Variants in ARHGAP15 observed in about 807,000 individuals in gnomAD.
The protein encoded by ARHGAP15 is rho GTPase-activating protein 15.
ARHGAP15 carries 51 observed loss-of-function variants against 63.7 expected under a neutral mutation model. The observed-to-expected ratio is 0.80, with a 90% confidence interval of 0.64 to 1.01. ARHGAP15 has a LOEUF of 1.01. ARHGAP15 is among the 50% of genes least tolerant of loss of function. The pLI, the probability that ARHGAP15 is intolerant of heterozygous loss-of-function variation, is 0.00. For missense variants in ARHGAP15, 560 were observed against 564.6 expected (o/e 0.99, Z 0.08); for synonymous variants, 191 against 193.8 (o/e 0.99, Z 0.12).
At chr2:143,422,869 G>A (rs1260601313) in intron 6 of ARHGAP15, among the ~76,000 whole-genome samples, 4 of 152,026 alleles carry the variant, frequency 2.6e-5, no homozygotes, top group South Asian at 2.1e-4. Context: ...ACCACAAGCC[G>A]GAAGCAAGAA....
chr2:143,565,264 T>A (rs1451774378), intron 11 of ARHGAP15, among the ~76,000 whole-genome samples: 1 of 152,128 alleles, frequency 6.6e-6, no homozygotes, highest in East Asian at 1.9e-4. Flanking sequence ...CTTATTCTCA[T>A]TATAGTACTA....
intron 6 of ARHGAP15, among the ~76,000 whole-genome samples, chr2:143,262,301 T>G (rs1050331555): frequency 6.6e-6 from 1 of 152,138 alleles, no homozygotes; most frequent in African/African-American, 2.4e-5. Flanking sequence ...TTCAAAATGA[T>G]GGCTGGCCTC....
chr2:143,763,393 C>G (rs1035686189), intron 13 of ARHGAP15, among the ~76,000 whole-genome samples: 1 of 152,060 alleles, frequency 6.6e-6, no homozygotes, highest in South Asian at 2.1e-4. Flanking sequence ...AGTTTGGGGG[C>G]CTTCTTTGCT....
intron 12 of ARHGAP15, among the ~76,000 whole-genome samples, chr2:143,654,736 T>C (rs1279299623): frequency 6.6e-6 from 1 of 152,230 alleles, no homozygotes; most frequent in Non-Finnish European, 1.5e-5. Context: ...ATCTGGCTTC[T>C]TTCCCCCTTG....
At chr2:143,177,261 G>A (rs1471405608) in intron 2 of ARHGAP15, among the ~76,000 whole-genome samples, 13 of 152,140 alleles carry the variant, frequency 8.5e-5, no homozygotes, top group Non-Finnish European at 1.8e-4. Flanking sequence ...TGGGTAAGAT[G>A]AGAGCCGGCT....
chr2:143,588,920 C>G (rs1697213614), intron 11 of ARHGAP15, among the ~76,000 whole-genome samples: 1 of 152,140 alleles, frequency 6.6e-6, no homozygotes, highest in Non-Finnish European at 1.5e-5. Flanking sequence ...GTTTCTCTGC[C>G]CTTTTTATAA....
intron 12 of ARHGAP15, among the ~76,000 whole-genome samples, chr2:143,655,355 G>A (rs913822561): frequency 7.2e-5 from 11 of 152,084 alleles, no homozygotes; most frequent in African/African-American, 2.7e-4. Flanking sequence ...GTGTTATGGA[G>A]AGAATATGAG....
intron 12 of ARHGAP15, among the ~76,000 whole-genome samples, chr2:143,684,419 T>C (rs1679040931): frequency 6.6e-6 from 1 of 152,134 alleles, no homozygotes; most frequent in East Asian, 1.9e-4. Context: ...CCCTAGCTGA[T>C]CTTGCAGAAA....
At chr2:143,749,658 AT>A (rs767556467) in intron 13 of ARHGAP15, among the ~76,000 whole-genome samples, 4 of 152,250 alleles carry the variant, frequency 2.6e-5, no homozygotes, top group Non-Finnish European at 5.9e-5. Context: ...AAATCATATG[AT>A]TTAGTGCTAA....
intron 1 of ARHGAP15, among the ~76,000 whole-genome samples, chr2:143,146,156 A>G (rs1230641709): frequency 6.6e-6 from 1 of 151,904 alleles, no homozygotes; most frequent in East Asian, 1.9e-4. Flanking sequence ...CATGCCATTA[A>G]GAGAGTGAAA....
intron 2 of ARHGAP15, among the ~76,000 whole-genome samples, chr2:143,187,979 T>A (rs1301371906): frequency 2.6e-5 from 4 of 152,238 alleles, no homozygotes; most frequent in Non-Finnish European, 5.9e-5. Flanking sequence ...ATAGCATTTC[T>A]CTGACTTCTC....
chr2:143,436,910 C>T lies in ARHGAP15; in HGVS notation c.574-3C>T. 1 of 1,605,444 alleles carries T rather than the reference C, an allele frequency of 6.2e-7. No homozygotes were observed. Among genetic ancestry groups the T allele is most frequent in the Non-Finnish European group, 8.5e-7 (1 of 1,177,698 alleles). On this transcript the variant is annotated splice_region_variant and splice_polypyrimidine_tract_variant and intron_variant, in intron 7 of 13. Transcript: ENST00000295095. ...ATTCAGTCTAATTATTTGCTGTTTC[C>T]AGCCAAAGGATTCAAGTTGTCCATC...
Position 143,320,378 on chromosome 2 carries a change from T to C in ARHGAP15, c.474+69778T>C, listed in dbSNP as rs1455030973. On this transcript the variant is annotated intron_variant, in intron 6 of 13. Coordinates refer to ENST00000295095, the MANE Select transcript of ARHGAP15 (RefSeq NM_018460.4). ...AATGGGAATATTCACAGTAGGGAAA[T>C]TGATAAATGCCACAAATCAGGACTT... Among the ~76,000 whole-genome samples the C allele has an allele frequency of 5.4e-5, 7 of 130,506 alleles. No homozygotes were observed. The Admixed American group carries it at 5.9e-4, about 11-fold the overall frequency. The allele number at this position is 130,506 out of a possible 152,430, so 85.6% of individuals were successfully genotyped here.
chr2:143,613,720 TC>T (rs1223852774), intron 11 of ARHGAP15, among the ~76,000 whole-genome samples: 1 of 152,216 alleles, frequency 6.6e-6, no homozygotes, highest in Admixed American at 6.5e-5. Context: ...TGCACCTGTT[TC>T]TTATTAACTG....
chr2:143,555,895 T>C (rs761352765), intron 10 of ARHGAP15, among the ~76,000 whole-genome samples: 2 of 76,972 alleles, frequency 2.6e-5, no homozygotes, highest in Admixed American at 1.0e-4. Context: ...TAGAATAGAA[T>C]AGAATAGAAT....
At chr2:143,506,076 T>C (rs576393105) in intron 9 of ARHGAP15, among the ~76,000 whole-genome samples, 13 of 152,356 alleles carry the variant, frequency 8.5e-5, no homozygotes, top group African/African-American at 3.1e-4. Context: ...GAACTATGCA[T>C]TCATGCAAAT....
At chr2:143,640,218 T>C (rs1321851907) in intron 12 of ARHGAP15, among the ~76,000 whole-genome samples, 3 of 152,086 alleles carry the variant, frequency 2.0e-5, no homozygotes, top group Non-Finnish European at 2.9e-5. Context: ...TTTGTGGTGG[T>C]TGTTTCAAGT....
chr2:143,291,078 C>T (rs1222703022), intron 6 of ARHGAP15, among the ~76,000 whole-genome samples: 1 of 151,966 alleles, frequency 6.6e-6, no homozygotes, highest in Non-Finnish European at 1.5e-5. Flanking sequence ...ACAGAATGCC[C>T]TAAGTATAGA....
intron 11 of ARHGAP15, among the ~76,000 whole-genome samples, chr2:143,574,355 C>T (rs1297651261): frequency 6.6e-6 from 1 of 152,072 alleles, no homozygotes; most frequent in Non-Finnish European, 1.5e-5. Context: ...ACTTTGGAAG[C>T]AGGTCATTTG....
Sources: allele counts gnomAD v4.1 joint callset (sites outside exome capture counted in the v4.1 genomes callset), GRCh38; gene constraint gnomAD v4.1.1; transcripts MANE v1.5; gene names NCBI Gene and HGNC (gene_info 2026-07-23, HGNC 2026-07-21).